RAI1: variants seen among roughly 807,000 people sequenced by gnomAD.
The protein encoded by RAI1 is retinoic acid-induced protein 1.
In RAI1, 9 loss-of-function variants were observed where a neutral mutation model predicts 123.8. The observed-to-expected ratio is 0.07, with a 90% confidence interval of 0.04 to 0.13. The LOEUF is 0.13. RAI1 is among the 10% of genes least tolerant of loss of function. The pLI is 1.00. For synonymous variants in RAI1, 1,231 were observed against 1,127.3 expected (o/e 1.09, Z -1.84); for missense variants, 2,256 against 2,545.8 (o/e 0.89, Z 2.45).
At chr17:17,750,423 C>T (rs1199453445) in intron 2 of RAI1, among the ~76,000 whole-genome samples, 3 of 152,006 alleles carry the variant, frequency 2.0e-5, no homozygotes, top group Non-Finnish European at 1.5e-5. Flanking sequence ...GGGAAAATAC[C>T]CATTAGAAAC....
chr17:17,687,976 G>A (rs1268130510), intron 1 of RAI1, among the ~76,000 whole-genome samples: 1 of 138,146 alleles, frequency 7.2e-6, no homozygotes, highest in African/African-American at 2.8e-5. Flanking sequence ...GTTGCAGCGA[G>A]CCAAGATAGC....
At chr17:17,703,448 A>T (rs1008862273) in intron 1 of RAI1, among the ~76,000 whole-genome samples, 3 of 152,156 alleles carry the variant, frequency 2.0e-5, no homozygotes, top group Non-Finnish European at 4.4e-5. Flanking sequence ...AGGGCAGTGC[A>T]TTCTTGTAGC....
intron 1 of RAI1, among the ~76,000 whole-genome samples, chr17:17,701,604 C>G (rs998981593): frequency 6.6e-6 from 1 of 151,996 alleles, no homozygotes; most frequent in Non-Finnish European, 1.5e-5. Context: ...CCTCTTTTTT[C>G]TTTCTTTGAA....
In RAI1 at chr17:17,809,500, G is replaced by A; in HGVS notation, c.5709+61G>A. 6.7e-7 allele frequency: 1 copy of A among 1,501,864 alleles called. No individual in the cohort carries two copies. Among genetic ancestry groups the A allele is most frequent in the South Asian group, 1.1e-5 (1 of 88,816 alleles). The allele number at this position is 1,501,864 out of a possible 1,614,324, so 93.0% of individuals were successfully genotyped here. A position where few individuals can be genotyped will look rare whatever the true frequency, so the allele number is the denominator to read the frequency against. ...TCAAGCGGGAGAGGAGCCCCACCTC[G>A]CACCTCCTTCACAGTCCCCTGGGCC... On this transcript the variant is annotated intron_variant, in intron 5 of 5. Transcript: ENST00000353383. The surrounding 1 kb of genome is among the most constrained non-coding windows in gnomAD (Gnocchi z 4.9).
intron 2 of RAI1, among the ~76,000 whole-genome samples, chr17:17,724,566 G>A (rs931788464): frequency 6.6e-6 from 1 of 152,050 alleles, no homozygotes; most frequent in Non-Finnish European, 1.5e-5. Context: ...GCCACGGATG[G>A]GGAGGCGAGA....
At chr17:17,775,204 T>A (rs1157907223) in intron 2 of RAI1, among the ~76,000 whole-genome samples, 196 of 148,410 alleles carry the variant, frequency 1.3e-3, no homozygotes, top group African/African-American at 4.7e-3. Context: ...ATGTGTAATT[T>A]TTTTTTTTTT....
rs770191414 is a variant in RAI1 at position 17,795,165 on chromosome 17, C to A, written c.2217C>A (p.Asp739Glu). 49 of 1,614,046 alleles carry A rather than the reference C, an allele frequency of 3.0e-5. No individual in the cohort carries two copies. Among genetic ancestry groups the A allele is most frequent in the Non-Finnish European group, 4.2e-5 (49 of 1,180,022 alleles). ...FPDTTAASSA[D>E]SANPFAWPEE... ...ACACAACCGCTGCCAGCTCAGCGGA[C>A]AGCGCCAACCCCTTTGCCTGGCCAG... Residue 739 changes from aspartate (D) to glutamate (E), a missense_variant, in exon 3 of 6, where the codon GAC becomes GAA. Asp to Glu is a conservative substitution (Grantham distance 45). Transcript: ENST00000353383. This position sits in a 1 kb window ranked among gnomAD's most constrained non-coding sequence, Gnocchi z 5.9.
intron 2 of RAI1, among the ~76,000 whole-genome samples, chr17:17,757,228 G>C (rs987215391): frequency 1.3e-5 from 2 of 152,210 alleles, no homozygotes; most frequent in African/African-American, 4.8e-5. Flanking sequence ...CCCTGGGCCT[G>C]GCTTCTCTGG....
chr17:17,749,924 G>C (rs977283326), intron 2 of RAI1, among the ~76,000 whole-genome samples: 1 of 152,240 alleles, frequency 6.6e-6, no homozygotes, highest in Non-Finnish European at 1.5e-5. Flanking sequence ...TACTAGTTAG[G>C]GTAAGATCAG....
intron 1 of RAI1, among the ~76,000 whole-genome samples, chr17:17,709,972 A>G (rs1210040381): frequency 6.6e-6 from 1 of 152,154 alleles, no homozygotes; most frequent in Non-Finnish European, 1.5e-5. Context: ...GCTCATTCAC[A>G]GTACACGGAC....
chr17:17,806,247 A>G (rs2032590498), intron 4 of RAI1, among the ~76,000 whole-genome samples: 1 of 152,242 alleles, frequency 6.6e-6, no homozygotes, highest in Non-Finnish European at 1.5e-5. Context: ...GGAGCTTTGT[A>G]GCAACTGTTT....
Position 17,793,556 on chromosome 17 carries a change from T to A in RAI1, c.608T>A (p.Phe203Tyr). 1 of 1,613,746 alleles carries A rather than the reference T, an allele frequency of 6.2e-7. No homozygotes were observed. The highest frequency in any genetic ancestry group is 1.3e-5 in the African/African-American group (1 of 74,980). Residue 203 changes from phenylalanine (F) to tyrosine (Y), a missense_variant, in exon 3 of 6, where the codon TTC (phenylalanine) becomes TAC (tyrosine). Coordinates refer to ENST00000353383, the MANE Select transcript of RAI1 (RefSeq NM_030665.4). ...AACGACATTGCCTCCCCTCTGCCCT[T>A]CCCCCAGGGTACCCACTTTCCTCAG... ...LQNDIASPLP[F>Y]PQGTHFPQHS...
chr17:17,689,867 T>A (rs1914777373), intron 1 of RAI1, among the ~76,000 whole-genome samples: 1 of 152,144 alleles, frequency 6.6e-6, no homozygotes, highest in Admixed American at 6.6e-5. Flanking sequence ...ATGGACCAGC[T>A]TGGTGCTGGA....
intron 4 of RAI1, among the ~76,000 whole-genome samples, chr17:17,806,886 A>G (rs2032604221): frequency 6.6e-6 from 1 of 152,194 alleles, no homozygotes; most frequent in Admixed American, 6.5e-5. Context: ...CACACCACAA[A>G]GGACCTGGGT....
chr17:17,785,583 G>T (rs1008233641), intron 2 of RAI1, among the ~76,000 whole-genome samples: 1 of 152,190 alleles, frequency 6.6e-6, no homozygotes, highest in Non-Finnish European at 1.5e-5. Flanking sequence ...AGTTGGGGTG[G>T]CGCCTCGCCC....
At chr17:17,709,962 G>A (rs747176848) in intron 1 of RAI1, among the ~76,000 whole-genome samples, 9 of 152,124 alleles carry the variant, frequency 5.9e-5, no homozygotes, top group Non-Finnish European at 1.0e-4. Flanking sequence ...CGCACCTCAC[G>A]CTCATTCACA....
In RAI1 at chr17:17,794,625, C is replaced by G. The variant is rs771977218; in HGVS notation, c.1677C>G (p.Thr559=). Residue 559 remains threonine (T), a synonymous_variant, in exon 3 of 6, where the codon ACC becomes ACG. Transcript: ENST00000353383. The stretch of plus-strand genomic sequence containing the variant: ...AGTCCGTGTCCACCTGTTCTGTGAC[C>G]TCTCCTGACGACATGTCCACCAAAT... ...KPESVSTCSV[T]SPDDMSTKSD... 5.6e-6 allele frequency: 9 copies of G among 1,613,024 alleles called. No homozygotes were observed. The highest frequency in any genetic ancestry group is 1.6e-4 in the Middle Eastern group (1 of 6,084).
At chr17:17,691,111 A>G (rs1914822583) in intron 1 of RAI1, among the ~76,000 whole-genome samples, 2 of 152,182 alleles carry the variant, frequency 1.3e-5, no homozygotes. Flanking sequence ...TCACTCATTC[A>G]AGGGGGCTCT....
At position 17,685,226 on chromosome 17, in the gene RAI1, C is replaced by T. The variant is rs755796165; in HGVS notation, c.-149+3433C>T. ...CGGTGTGCGCAGAGCAGCGTCTCTGCGGGAGAGGCACCTGGGCACTGGGCC... is the reference window on the plus strand; with the variant it reads ...CGGTGTGCGCAGAGCAGCGTCTCTGTGGGAGAGGCACCTGGGCACTGGGCC... On this transcript the variant is annotated intron_variant, in intron 1 of 5. Coordinates refer to ENST00000353383, the MANE Select transcript of RAI1 (RefSeq NM_030665.4). The surrounding 1 kb of genome is among the most constrained non-coding windows in gnomAD (Gnocchi z 4.0). 1.3e-5 allele frequency among the ~76,000 whole-genome samples: 2 copies of T among 152,220 alleles called. No homozygotes were observed. The highest frequency in any genetic ancestry group is 6.5e-5 in the Admixed American group (1 of 15,286).
Sources: allele counts gnomAD v4.1 joint callset (sites outside exome capture counted in the v4.1 genomes callset), GRCh38; gene constraint gnomAD v4.1.1; non-coding constraint Gnocchi (gnomAD v3.1); transcripts MANE v1.5; gene names NCBI Gene and HGNC (gene_info 2026-07-23, HGNC 2026-07-21).